Variants in SPAG9 observed in about 807,000 individuals in gnomAD.
SPAG9 encodes the protein C-Jun-amino-terminal kinase-interacting protein 4.
A neutral mutation model predicts 166.5 loss-of-function variants in SPAG9; 35 were observed. The observed-to-expected ratio is 0.21, with a 90% confidence interval of 0.16 to 0.28. The LOEUF is 0.28. Ranked by LOEUF, SPAG9 falls within the 10% of genes least tolerant of loss-of-function variation. SPAG9 has a pLI of 1.00. For missense variants in SPAG9, 1,235 were observed against 1,603.3 expected, an observed-to-expected ratio of 0.77 and a Z score of 3.92; for synonymous variants, 534 against 565.5, an observed-to-expected ratio of 0.94 and a Z score of 0.79.
intron 5 of SPAG9, among the ~76,000 whole-genome samples, chr17:51,039,920 T>C (rs181664738): frequency 1.4e-3 from 212 of 152,060 alleles, no homozygotes; most frequent in African/African-American, 4.8e-3. Context: ...AAAAGACCCA[T>C]TGTGGTACAG....
chr17:50,997,357 A>G (rs1329596245), intron 15 of SPAG9, among the ~76,000 whole-genome samples: 1 of 152,194 alleles, frequency 6.6e-6, no homozygotes, highest in Non-Finnish European at 1.5e-5. Flanking sequence ...TGTTCATTCA[A>G]CAAATATTTA....
intron 2 of SPAG9, among the ~76,000 whole-genome samples, chr17:51,063,448 A>G (rs1297731927): frequency 6.6e-6 from 1 of 151,874 alleles, no homozygotes; most frequent in African/African-American, 2.4e-5. Flanking sequence ...GACCACGTCT[A>G]TCTTTTCGCT....
intron 4 of SPAG9, among the ~76,000 whole-genome samples, chr17:51,044,490 T>C (rs1452989382): frequency 6.6e-6 from 1 of 152,190 alleles, no homozygotes; most frequent in Non-Finnish European, 1.5e-5. Flanking sequence ...ATATAAATAA[T>C]TTTACAACTA....
At chr17:50,987,937 C>T (rs558503551) in intron 21 of SPAG9, among the ~76,000 whole-genome samples, 11 of 152,272 alleles carry the variant, frequency 7.2e-5, no homozygotes, top group Non-Finnish European at 1.5e-4. Context: ...TAATTCAGGC[C>T]AGGTGCGGTG....
chr17:51,076,825 G>C (rs758259047), intron 2 of SPAG9, among the ~76,000 whole-genome samples: 1 of 152,020 alleles, frequency 6.6e-6, no homozygotes, highest in South Asian at 2.1e-4. Flanking sequence ...GGTAGGCTGA[G>C]TCTGTCAACT....
chr17:51,009,451 A>G (rs1036809587), intron 9 of SPAG9, among the ~76,000 whole-genome samples: 1 of 152,208 alleles, frequency 6.6e-6, no homozygotes, highest in African/African-American at 2.4e-5. Flanking sequence ...GAAAAGGTAC[A>G]AAGTCCTCAG....
In SPAG9 at chr17:51,010,931, A is replaced by G. The variant is rs555904287; in HGVS notation, c.1213+3301T>C. On this transcript the variant is annotated intron_variant, in intron 9 of 29. Transcript: ENST00000262013. ...AAACCAAGAAACAATGAGAGCAAACATGATTTCTTAAACAAAGTATCAGGC... is the reference window on the plus strand; with the variant it reads ...AAACCAAGAAACAATGAGAGCAAACGTGATTTCTTAAACAAAGTATCAGGC... Among the ~76,000 whole-genome samples, 11 of 152,284 alleles carry G rather than the reference A, an allele frequency of 7.2e-5. No homozygotes were observed. The South Asian group carries it at 2.3e-3, about 32-fold the overall frequency.
chr17:51,053,848 AAAAAAAGTAT>A (rs1380415653), intron 3 of SPAG9, among the ~76,000 whole-genome samples: 4 of 64,242 alleles, frequency 6.2e-5, no homozygotes, highest in African/African-American at 3.1e-4. Flanking sequence ...AAAAAAAAAA[AAAAAAAGTAT>A]ATATATATAT....
intron 3 of SPAG9, among the ~76,000 whole-genome samples, chr17:51,049,047 C>T (rs899293351): frequency 6.6e-6 from 1 of 152,130 alleles, no homozygotes; most frequent in East Asian, 1.9e-4. Flanking sequence ...GACTGTCAGG[C>T]TTAATCAATC....
At position 50,979,858 on chromosome 17, in the gene SPAG9, C is replaced by T. The variant is rs200212424; in HGVS notation, c.3297G>A (p.Gly1099=). The T allele has an allele frequency of 6.2e-7, 1 of 1,614,128 alleles. No individual in the cohort carries two copies. Among genetic ancestry groups the T allele is most frequent in the Non-Finnish European group, 8.5e-7 (1 of 1,179,994 alleles). ...AGCGAATGGAGACCCACACGCCATC[C>T]CCCACCCACGCAAGCTGTCGCACTT... ...ESQVRQLAWV[G]DGVWVSIRLD... Residue 1099 remains glycine (G), a synonymous_variant, in exon 26 of 30, where the codon GGG becomes GGA. Transcript: ENST00000262013.
chr17:51,056,802 T>C (rs2047373697), intron 2 of SPAG9, among the ~76,000 whole-genome samples: 1 of 152,076 alleles, frequency 6.6e-6, no homozygotes, highest in Non-Finnish European at 1.5e-5. Flanking sequence ...TAAACTGGGA[T>C]TAGGGCCCAA....
chr17:51,053,867 A>AG lies in SPAG9; in HGVS notation c.495+2544_495+2545insC, dbSNP rs1196400616. The stretch of plus-strand genomic sequence containing the variant: ...AAAAAAAAAAAAAGTATATATATAT[A>AG]TATATATATATATATATATATATAT... On this transcript the variant is annotated intron_variant, in intron 3 of 29. Coordinates refer to ENST00000262013, the MANE Select transcript of SPAG9 (RefSeq NM_001130528.3). Among the ~76,000 whole-genome samples, 477 of 82,198 alleles carry AG rather than the reference A, an allele frequency of 5.8e-3. 4 individuals are homozygous for AG. The highest frequency in any genetic ancestry group is 7.3e-3 in the Non-Finnish European group (325 of 44,490). 53.9% of individuals were successfully genotyped at this position (82,198 alleles called of 152,430 possible).
intron 24 of SPAG9, 146 bp downstream of exon 24, chr17:50,984,777 G>A (rs1027521052): frequency 5.0e-5 from 35 of 699,388 alleles, no homozygotes; most frequent in South Asian, 1.8e-4. Flanking sequence ...CTCCATGCAC[G>A]CACTAATATA....
intron 2 of SPAG9, among the ~76,000 whole-genome samples, chr17:51,079,332 G>A (rs184365582): frequency 4.6e-5 from 7 of 151,768 alleles, no homozygotes; most frequent in South Asian, 2.1e-4. Flanking sequence ...TCTGCCTCCC[G>A]GATTCAAATG....
In SPAG9 at chr17:50,962,211, C is replaced by T. The variant is rs1973173467; in HGVS notation, c.*4061G>A. 1 of 152,164 alleles carries T rather than the reference C, an allele frequency of 6.6e-6. No individual in the cohort carries two copies. Among genetic ancestry groups the T allele is most frequent in the Admixed American group, 6.5e-5 (1 of 15,276 alleles). The allele number at this position is 152,164 out of a possible 1,614,324, so 9.4% of individuals were successfully genotyped here. A position where few individuals can be genotyped will look rare whatever the true frequency, so the allele number is the denominator to read the frequency against. ...TACATATTTATATATATCTCATGTA[C>T]AAAGTTACATTCTGAACCCCAGGGA... On this transcript the variant is annotated 3_prime_UTR_variant, in exon 30 of 30. Coordinates refer to ENST00000262013, the MANE Select transcript of SPAG9 (RefSeq NM_001130528.3).
intron 29 of SPAG9, among the ~76,000 whole-genome samples, chr17:50,970,288 C>T (rs1462773751): frequency 6.6e-5 from 10 of 152,012 alleles, no homozygotes; most frequent in African/African-American, 2.2e-4. Context: ...CCGAGGCAGG[C>T]GGATCACTTG....
At chr17:51,000,438 G>A (rs1253377053) in intron 13 of SPAG9, among the ~76,000 whole-genome samples, 1 of 152,032 alleles carries the variant, frequency 6.6e-6, no homozygotes, top group Non-Finnish European at 1.5e-5. Flanking sequence ...AAACAGCAAT[G>A]GAAAGTGAAG....
At chr17:51,107,931 G>A (rs2049001043) in intron 1 of SPAG9, among the ~76,000 whole-genome samples, 2 of 151,488 alleles carry the variant, frequency 1.3e-5, no homozygotes, top group African/African-American at 4.8e-5. Flanking sequence ...AAAAAGGGAG[G>A]GGGGCAGTAA....
chr17:51,044,404 A>G (rs2144423712), intron 4 of SPAG9, among the ~76,000 whole-genome samples: 1 of 152,314 alleles, frequency 6.6e-6, no homozygotes, highest in Middle Eastern at 3.4e-3. Context: ...ATCAACAACT[A>G]TCAGAATTCT....
Sources: gnomAD v4.1 joint callset for allele counts (sites outside exome capture counted in the v4.1 genomes callset) on GRCh38, gnomAD v4.1.1 for gene constraint, MANE v1.5 for transcripts, NCBI Gene and HGNC (gene_info 2026-07-23, HGNC 2026-07-21) for gene names.